Variants in SEPTIN6 observed in about 807,000 individuals in gnomAD.
The protein encoded by SEPTIN6 is septin 6.
SEPTIN6 carries 8 observed loss-of-function variants against 33.6 expected under a neutral mutation model. The ratio of observed to expected loss-of-function variants is 0.24; its 90% CI spans 0.14 to 0.43. SEPTIN6 has a LOEUF of 0.43. Among genes scored for constraint, SEPTIN6 ranks in the 20% least tolerant of loss-of-function variants. SEPTIN6 has a pLI of 1.00. For synonymous variants in SEPTIN6, 131 were observed against 140.0 expected (o/e 0.94, Z 0.45); for missense variants, 250 against 340.8 (o/e 0.73, Z 2.10).
At chrX:119,688,956 C>T (rs2055108769) in intron 1 of SEPTIN6, among the ~76,000 whole-genome samples, 1 of 110,730 alleles carries the variant, frequency 9.0e-6, no homozygotes. Context: ...AAGCAGAGAC[C>T]TCAAAGGGAA....
intron 9 of SEPTIN6, chrX:119,629,035 C>T (rs1476439564): frequency 3.5e-6 from 1 of 285,373 alleles, no homozygotes; most frequent in African/African-American, 2.7e-5. Flanking sequence ...CTTTTCCCTT[C>T]CTTTCCTATG....
Position 119,643,261 on chromosome X carries a change from C to A in SEPTIN6, c.691-2473G>T, listed in dbSNP as rs1257419488. Among the ~76,000 whole-genome samples, 3 of 109,965 alleles carry A rather than the reference C, an allele frequency of 2.7e-5. No individual in the cohort carries two copies. In the East Asian group the frequency reaches 8.6e-4, roughly 31 times the overall value. The stretch of plus-strand genomic sequence containing the variant: ...ATGACACAGAAGAGCCAAGGGGTGG[C>A]GAATGCAGAGAGCTAGACTGAGGGA... On this transcript the variant is annotated intron_variant, in intron 5 of 10. Coordinates refer to ENST00000394610, the MANE Select transcript of SEPTIN6 (RefSeq NM_145799.4).
rs777099499 is a variant in SEPTIN6, at chrX:119,653,046, A to C, written c.342-6T>G. On this transcript the variant is annotated splice_polypyrimidine_tract_variant and splice_region_variant and intron_variant, in intron 3 of 10. Transcript: ENST00000394610. ...ATTCCACGATAGGCTTGTAGCTAAA[A>C]GGGAGAGCAGGGACAGAGGCGGATC... 12 of 1,197,304 alleles carry C rather than the reference A, an allele frequency of 1.0e-5. No individual in the cohort carries two copies. Among genetic ancestry groups the C allele is most frequent in the Non-Finnish European group, 1.4e-5 (12 of 884,905 alleles).
intron 4 of SEPTIN6, among the ~76,000 whole-genome samples, chrX:119,652,635 G>A (rs2054368643): frequency 9.0e-6 from 1 of 111,322 alleles, no homozygotes; most frequent in African/African-American, 3.3e-5. Flanking sequence ...AGGGATCAGG[G>A]CAGAAAGACA....
intron 3 of SEPTIN6, among the ~76,000 whole-genome samples, chrX:119,655,180 G>A (rs770397894): frequency 2.8e-3 from 315 of 110,833 alleles, no homozygotes; most frequent in Non-Finnish European, 5.0e-3. Flanking sequence ...GCTCTCGGAA[G>A]CTCTCAAGAT....
intron 10 of SEPTIN6, 138 bp downstream of exon 10, chrX:119,625,197 T>C (rs1277789131): frequency 8.4e-6 from 4 of 473,754 alleles, no homozygotes; most frequent in African/African-American, 2.4e-5. Context: ...TTCTGCATAT[T>C]ATAAGTCACG....
intron 1 of SEPTIN6, among the ~76,000 whole-genome samples, chrX:119,679,623 G>T (rs2054913044): frequency 8.9e-6 from 1 of 111,815 alleles, no homozygotes; most frequent in African/African-American, 3.3e-5. Flanking sequence ...ACTTTGGGAG[G>T]CTGAGGCAGG....
At chrX:119,686,249 T>G (rs760001859) in intron 1 of SEPTIN6, among the ~76,000 whole-genome samples, 12 of 111,894 alleles carry the variant, frequency 1.1e-4, no homozygotes, top group African/African-American at 3.6e-4. Flanking sequence ...AAAAACCCAG[T>G]TCCTGCCTCA....
rs544238002 is a variant in SEPTIN6, at chrX:119,626,966, C to T, written c.1281-1587G>A. Among the ~76,000 whole-genome samples, 614 of 111,744 alleles carry T rather than the reference C, an allele frequency of 5.5e-3. 7 individuals carry two copies. The highest frequency in any genetic ancestry group is 0.019 in the African/African-American group (581 of 30,793). On this transcript the variant is annotated intron_variant, in intron 9 of 10. Coordinates refer to ENST00000394610, the MANE Select transcript of SEPTIN6 (RefSeq NM_145799.4). ...TTTCCCAAAGTGCTGGGATTACAGG[C>T]GTGAGCCACCGTACCCGGCCAAGAT... is the stretch of plus-strand genomic sequence containing the variant.
intron 2 of SEPTIN6, among the ~76,000 whole-genome samples, chrX:119,672,475 G>A (rs1223272061): frequency 8.9e-6 from 1 of 111,785 alleles, no homozygotes; most frequent in Non-Finnish European, 1.9e-5. Flanking sequence ...CACCCTCAGA[G>A]ATCCATTTCA....
At chrX:119,640,112 C>T (rs2054128867) in intron 6 of SEPTIN6, among the ~76,000 whole-genome samples, 1 of 105,421 alleles carries the variant, frequency 9.5e-6, no homozygotes, top group Non-Finnish European at 2.0e-5. Context: ...GCGCCCAGCC[C>T]CAACACGTAG....
At position 119,640,703 on chromosome X, in the gene SEPTIN6, C is replaced by T. The variant is rs1313683898; in HGVS notation, c.776G>A (p.Gly259Asp). Reference sequence around the variant, plus strand: ...GGAGACTCACTCACCCTGCACAGTGCCCCAAGGATACTGCCGCGCCCTCAT... The same window carrying T: ...GGAGACTCACTCACCCTGCACAGTGTCCCAAGGATACTGCCGCGCCCTCAT... ...KMMRARQYPW[G>D]TVQVENEAHC... Residue 259 changes from glycine (G) to aspartate (D), a missense_variant, in exon 6 of 11, where the codon GGC (glycine) becomes GAC (aspartate). Coordinates refer to ENST00000394610, the MANE Select transcript of SEPTIN6 (RefSeq NM_145799.4). The T allele has an allele frequency of 1.7e-6, 2 of 1,208,541 alleles. No homozygotes were observed. The highest frequency in any genetic ancestry group is 1.1e-6 in the Non-Finnish European group (1 of 892,523).
At chrX:119,652,731 G>T in intron 4 of SEPTIN6, 123 bp downstream of exon 4, 1 of 541,799 alleles carries the variant, frequency 1.8e-6, no homozygotes, top group Non-Finnish European at 3.0e-6. Context: ...CCATCTTTAT[G>T]GAGGGACAGG....
chrX:119,624,164 TTTTTG>T lies in SEPTIN6; in HGVS notation c.*41+1166_*41+1170del, dbSNP rs1265504460. On this transcript the variant is annotated intron_variant, in intron 10 of 10. Coordinates refer to ENST00000394610, the MANE Select transcript of SEPTIN6 (RefSeq NM_145799.4). ...TATGGGTTTTTTTTTTTTGTTTTTT[TTTTTG>T]TTTGTTTGTTTGTTTGTTTTTTTGA... is the stretch of plus-strand genomic sequence containing the variant. The T allele has an allele frequency of 1.1e-3, 275 of 242,795 alleles. 1 individual carries two copies. Among genetic ancestry groups the T allele is most frequent in the African/African-American group, 7.5e-3 (252 of 33,639 alleles). 20.0% of individuals were successfully genotyped at this position (242,795 alleles called of 1,213,427 possible).
chrX:119,684,636 G>A (rs965090866), intron 1 of SEPTIN6, among the ~76,000 whole-genome samples: 2 of 109,146 alleles, frequency 1.8e-5, no homozygotes, highest in Non-Finnish European at 3.8e-5. Flanking sequence ...GATTACAGGC[G>A]CCCACCACCA....
chrX:119,616,461 C>T (rs1263312659), downstream of SEPTIN6: 23 of 467,561 alleles, frequency 4.9e-5, no homozygotes, highest in Admixed American at 4.9e-4. Flanking sequence ...GGTTACATTT[C>T]GTCCATTTTC....
intron 2 of SEPTIN6, among the ~76,000 whole-genome samples, chrX:119,674,928 C>T (rs757850219): frequency 2.7e-5 from 3 of 110,046 alleles, no homozygotes; most frequent in Non-Finnish European, 5.7e-5. Flanking sequence ...AGGTAGAGGC[C>T]GGGCACAGTG....
rs1255338108 is a variant in SEPTIN6 at position 119,670,576 on chromosome X, AAAAGAAG to A, written c.145+4971_145+4977del. On this transcript the variant is annotated intron_variant, in intron 2 of 10. Coordinates refer to ENST00000394610, the MANE Select transcript of SEPTIN6 (RefSeq NM_145799.4). ...ACTCTGTCTCAAAAAAAAAAAAAAA[AAAAGAAG>A]AAGAAGAAGAATTGCAGGTGCCGTT... Among the ~76,000 whole-genome samples the A allele has an allele frequency of 3.3e-3, 328 of 98,575 alleles. 2 individuals are homozygous for A. Among genetic ancestry groups the A allele is most frequent in the African/African-American group, 0.012 (306 of 26,182 alleles). 85.6% of individuals were successfully genotyped at this position (98,575 alleles called of 115,157 possible). A position where few individuals can be genotyped will look rare whatever the true frequency, so the allele number is the denominator to read the frequency against.
chrX:119,617,243 TA>T lies in SEPTIN6; in HGVS notation c.*2849del. ...CCAGAAGTAAACAGAGTACTTAGGG[TA>T]TTTTTTTTTTAAATAGTAACAGTTG... On this transcript the variant is annotated 3_prime_UTR_variant, in exon 11 of 11. Transcript: ENST00000394610. The T allele has an allele frequency of 1.3e-6, 1 of 799,821 alleles. No individual in the cohort carries two copies. The highest frequency in any genetic ancestry group is 2.2e-5 in the African/African-American group (1 of 46,124). The allele number at this position is 799,821 out of a possible 1,213,427, so 65.9% of individuals were successfully genotyped here.
Sources: gnomAD v4.1 joint callset for allele counts (sites outside exome capture counted in the v4.1 genomes callset) on GRCh38, gnomAD v4.1.1 for gene constraint, MANE v1.5 for transcripts, NCBI Gene and HGNC (gene_info 2026-07-23, HGNC 2026-07-21) for gene names.